The following ADAMTS12 variants were observed in gnomAD, a reference collection of about 807,000 sequenced individuals.
ADAMTS12 encodes the protein ADAM metallopeptidase with thrombospondin type 1 motif 12.
In ADAMTS12, 118 loss-of-function variants were observed where a neutral mutation model predicts 167.8. The ratio of observed to expected loss-of-function variants is 0.70; its 90% CI spans 0.61 to 0.82. The LOEUF is 0.82. Ranked by LOEUF, ADAMTS12 falls within the 40% of genes least tolerant of loss-of-function variation. ADAMTS12 has a pLI of 0.00. For synonymous variants in ADAMTS12, 704 were observed against 716.9 expected (o/e 0.98, Z 0.29); for missense variants, 1,916 against 1,998.8 (o/e 0.96, Z 0.79).
chr5:33,705,036 T>G (rs1743140764), intron 3 of ADAMTS12, among the ~76,000 whole-genome samples: 1 of 152,088 alleles, frequency 6.6e-6, no homozygotes, highest in Admixed American at 6.6e-5. Flanking sequence ...ATGTGGTTAT[T>G]CCTTTTTATT....
Position 33,577,018 on chromosome 5 carries a change from AGAACTCTCC to A in ADAMTS12, c.2999_3007del (p.Arg1000_Val1002del). 9 of 1,614,162 alleles carry A rather than the reference AGAACTCTCC, an allele frequency of 5.6e-6. No homozygotes were observed. The highest frequency in any genetic ancestry group is 5.9e-6 in the Non-Finnish European group (7 of 1,180,028). ...GGAAATAGTGCCTTTGTTTGGTTTC[AGAACTCTCC>A]GGCTAGAAGGGCATTGCTGGAGGCC... is the stretch of plus-strand genomic sequence containing the variant. On this transcript the variant is annotated inframe_deletion, in exon 19 of 24. Transcript: ENST00000504830.
chr5:33,544,007 G>A (rs1158371883), intron 22 of ADAMTS12, among the ~76,000 whole-genome samples: 2 of 152,112 alleles, frequency 1.3e-5, no homozygotes, highest in Non-Finnish European at 2.9e-5. Flanking sequence ...GTAAATTCTG[G>A]GCTGGGCAAT....
At chr5:33,570,937 G>A (rs1746304273) in intron 19 of ADAMTS12, among the ~76,000 whole-genome samples, 2 of 151,408 alleles carry the variant, frequency 1.3e-5, no homozygotes, top group South Asian at 4.2e-4. Context: ...AAAGGCAGGG[G>A]TTGCAATCCT....
chr5:33,685,077 G>T (rs1008299055), intron 3 of ADAMTS12, among the ~76,000 whole-genome samples: 1 of 152,186 alleles, frequency 6.6e-6, no homozygotes. Context: ...ACAGGGCAGC[G>T]CCTGGGTCTT....
chr5:33,794,789 G>A (rs1399928728), intron 2 of ADAMTS12, among the ~76,000 whole-genome samples: 3 of 152,214 alleles, frequency 2.0e-5, no homozygotes, highest in Middle Eastern at 3.4e-3. Context: ...AGGGGCCAGC[G>A]GGGGAGATCG....
chr5:33,695,366 T>C (rs1742717374), intron 3 of ADAMTS12, among the ~76,000 whole-genome samples: 1 of 152,182 alleles, frequency 6.6e-6, no homozygotes, highest in Non-Finnish European at 1.5e-5. Flanking sequence ...TCATTCTCTT[T>C]TTTAAAGAGA....
intron 19 of ADAMTS12, among the ~76,000 whole-genome samples, chr5:33,574,616 A>G: frequency 6.8e-6 from 1 of 147,994 alleles, no homozygotes; most frequent in Admixed American, 6.8e-5. Flanking sequence ...GGGAGGGCGG[A>G]GGGATAGCAT....
chr5:33,844,420 G>A (rs916842518), intron 2 of ADAMTS12, among the ~76,000 whole-genome samples: 2 of 152,146 alleles, frequency 1.3e-5, no homozygotes, highest in African/African-American at 4.8e-5. Context: ...CGCCCCTGAG[G>A]GTAGGCCTCT....
chr5:33,816,642 G>A (rs887496433), intron 2 of ADAMTS12, among the ~76,000 whole-genome samples: 5 of 152,152 alleles, frequency 3.3e-5, no homozygotes, highest in Non-Finnish European at 7.4e-5. Context: ...TGTGCTATGT[G>A]TTGAGGTTAC....
At chr5:33,561,229 C>G (rs1229456420) in intron 19 of ADAMTS12, 50 bp from the exon 20 acceptor site, 2 of 1,591,520 alleles carry the variant, frequency 1.3e-6, no homozygotes, top group South Asian at 1.1e-5. Flanking sequence ...CACCTTCTCA[C>G]ACATGCCCCA....
At chr5:33,784,359 TAAGAC>T (rs1746256086) in intron 2 of ADAMTS12, among the ~76,000 whole-genome samples, 3 of 151,936 alleles carry the variant, frequency 2.0e-5, no homozygotes, top group Admixed American at 2.0e-4. Context: ...GCCAACGTGA[TAAGAC>T]AAGCAAAAGA....
At chr5:33,827,417 C>T (rs1464301566) in intron 2 of ADAMTS12, among the ~76,000 whole-genome samples, 3 of 152,028 alleles carry the variant, frequency 2.0e-5, no homozygotes, top group Non-Finnish European at 2.9e-5. Context: ...GAACTCAGCC[C>T]GTTAATACCT....
At position 33,703,407 on chromosome 5, in the gene ADAMTS12, A is replaced by T. The variant is rs183717791; in HGVS notation, c.635-19352T>A. 4.1e-4 allele frequency among the ~76,000 whole-genome samples: 62 copies of T among 152,304 alleles called. 1 individual carries two copies. The highest frequency in any genetic ancestry group is 1.4e-3 in the African/African-American group (57 of 41,572). On this transcript the variant is annotated intron_variant, in intron 3 of 23. Coordinates refer to ENST00000504830, the MANE Select transcript of ADAMTS12 (RefSeq NM_030955.4). ...TCATTCCGCCCCCATTTGTGGTAAA[A>T]GCACATAATATAAGATCTGCTCTTT...
intron 2 of ADAMTS12, among the ~76,000 whole-genome samples, chr5:33,776,949 A>G (rs960999020): frequency 6.6e-6 from 1 of 152,148 alleles, no homozygotes; most frequent in Non-Finnish European, 1.5e-5. Context: ...ATTCCTAGAA[A>G]CCTACAACCT....
intron 16 of ADAMTS12, among the ~76,000 whole-genome samples, chr5:33,597,022 G>A (rs1737922798): frequency 1.3e-5 from 2 of 152,128 alleles, no homozygotes; most frequent in Admixed American, 6.6e-5. Context: ...TATCAATAAT[G>A]TATTACCTGT....
intron 2 of ADAMTS12, among the ~76,000 whole-genome samples, chr5:33,832,129 C>T (rs1562246): frequency 0.046 from 7,072 of 152,178 alleles, 439 homozygotes; most frequent in African/African-American, 0.14. Flanking sequence ...TAGATTCACA[C>T]GAAAAGGTGT....
At chr5:33,780,814 G>A (rs1746099467) in intron 2 of ADAMTS12, among the ~76,000 whole-genome samples, 1 of 152,148 alleles carries the variant, frequency 6.6e-6, no homozygotes, top group African/African-American at 2.4e-5. Context: ...CGTAAGAAGA[G>A]TCTAATAAAT....
At position 33,576,374 on chromosome 5, in the gene ADAMTS12, C is replaced by G; in HGVS notation, c.3652G>C (p.Glu1218Gln). Residue 1218 changes from glutamate (E) to glutamine (Q), a missense_variant, in exon 19 of 24, where the codon GAA becomes CAA. Glu to Gln is a conservative substitution (Grantham distance 29, BLOSUM62 2). Coordinates refer to ENST00000504830, the MANE Select transcript of ADAMTS12 (RefSeq NM_030955.4). ...SWWPPFSTVM[E>Q]GLLPSQRPTT... The stretch of plus-strand genomic sequence containing the variant: ...GGCCTTTGGCTGGGGAGCAGTCCTT[C>G]CATTACTGTGCTGAAGGGTGGCCAC... 6.2e-7 allele frequency: 1 copy of G among 1,614,148 alleles called. No homozygotes were observed. The highest frequency in any genetic ancestry group is 8.5e-7 in the Non-Finnish European group (1 of 1,180,010).
intron 18 of ADAMTS12, among the ~76,000 whole-genome samples, chr5:33,583,549 C>T (rs1238756037): frequency 1.3e-5 from 2 of 152,148 alleles, no homozygotes; most frequent in Non-Finnish European, 2.9e-5. Flanking sequence ...TTAACTTTTA[C>T]GTTTTTGAGG....
Sources: allele counts gnomAD v4.1 joint callset (sites outside exome capture counted in the v4.1 genomes callset), GRCh38; gene constraint gnomAD v4.1.1; transcripts MANE v1.5; gene names NCBI Gene and HGNC (gene_info 2026-07-23, HGNC 2026-07-21).